Variants in SATL1 observed in about 807,000 individuals in gnomAD.
The protein encoded by SATL1 is spermidine/spermine N1-acetyl transferase like 1.
Under a neutral mutation model 51.8 loss-of-function variants are expected in SATL1, and 47 were observed. That is an observed-to-expected ratio of 0.91 (90% CI 0.72 to 1.16). The LOEUF (loss-of-function observed/expected upper bound fraction) is 1.16, where lower values mean the gene tolerates loss of function less well. Ranked by LOEUF, SATL1 falls within the 50% of genes most tolerant of loss-of-function variation. SATL1 has a pLI of 0.00. For synonymous variants in SATL1, 176 were observed against 182.4 expected, an observed-to-expected ratio of 0.97 and a Z score of 0.28; for missense variants, 520 against 526.4, an observed-to-expected ratio of 0.99 and a Z score of 0.12.
chrX:85,152,963 A>T (rs1233623459), intron 2 of SATL1, among the ~76,000 whole-genome samples: 1 of 110,392 alleles, frequency 9.1e-6, no homozygotes, highest in Non-Finnish European at 1.9e-5. Context: ...AACTTAAAGT[A>T]TAATAATAAA....
At chrX:85,106,573 A>G (rs1925047161) in intron 3 of SATL1, among the ~76,000 whole-genome samples, 1 of 112,299 alleles carries the variant, frequency 8.9e-6, no homozygotes, top group Non-Finnish European at 1.9e-5. Context: ...AACATGGTTT[A>G]CAGCTTTATA....
intron 2 of SATL1, among the ~76,000 whole-genome samples, chrX:85,198,137 G>C (rs189312712): frequency 9.0e-6 from 1 of 111,285 alleles, no homozygotes; most frequent in African/African-American, 3.3e-5. Context: ...CTCCGGTTTC[G>C]TCTGTGTTTT....
intron 2 of SATL1, among the ~76,000 whole-genome samples, chrX:85,184,916 T>A (rs1927280916): frequency 2.7e-5 from 3 of 111,840 alleles, no homozygotes; most frequent in Non-Finnish European, 5.6e-5. Context: ...TATTGAAAAG[T>A]TAGGTATTTA....
chrX:85,184,841 G>A (rs1927279177), intron 2 of SATL1, among the ~76,000 whole-genome samples: 1 of 112,016 alleles, frequency 8.9e-6, no homozygotes, highest in Non-Finnish European at 1.9e-5. Context: ...GCCTTATGTA[G>A]TTCATCTGGT....
intron 2 of SATL1, among the ~76,000 whole-genome samples, chrX:85,124,642 A>G (rs183194980): frequency 3.6e-5 from 4 of 111,822 alleles, no homozygotes; most frequent in African/African-American, 9.7e-5. Flanking sequence ...AGCAAAGATC[A>G]TCACTATGCC....
chrX:85,181,827 A>T (rs1411741668), intron 2 of SATL1, among the ~76,000 whole-genome samples: 1 of 111,863 alleles, frequency 8.9e-6, no homozygotes, highest in Non-Finnish European at 1.9e-5. Context: ...TGTAATACAA[A>T]CTAGTAGATT....
At chrX:85,126,057 C>T (rs1327248730) in intron 2 of SATL1, among the ~76,000 whole-genome samples, 1 of 110,584 alleles carries the variant, frequency 9.0e-6, no homozygotes, top group African/African-American at 3.3e-5. Context: ...CTTGAAGATC[C>T]CAGAATTGAC....
chrX:85,236,982 A>C (rs773068513), intron 1 of SATL1, among the ~76,000 whole-genome samples: 19 of 111,788 alleles, frequency 1.7e-4, no homozygotes, highest in East Asian at 8.4e-4. Context: ...ATACGAAATC[A>C]GTAGCATTTC....
intron 4 of SATL1, among the ~76,000 whole-genome samples, chrX:85,096,200 A>T (rs1924716783): frequency 9.0e-6 from 1 of 111,561 alleles, no homozygotes. Context: ...TAATATAGAT[A>T]TAAATTTTAA....
intron 2 of SATL1, among the ~76,000 whole-genome samples, chrX:85,195,074 C>A (rs895055970): frequency 1.8e-5 from 2 of 109,842 alleles, no homozygotes; most frequent in African/African-American, 6.6e-5. Context: ...TTTGGAGAAC[C>A]TGTGTGTCAT....
At chrX:85,192,310 C>G (rs1293787306) in intron 2 of SATL1, among the ~76,000 whole-genome samples, 2 of 111,500 alleles carry the variant, frequency 1.8e-5, no homozygotes, top group Non-Finnish European at 3.8e-5. Flanking sequence ...CAGTAACCTA[C>G]AGGATGAAAA....
At chrX:85,235,299 C>T (rs951270603) in intron 1 of SATL1, among the ~76,000 whole-genome samples, 17 of 110,447 alleles carry the variant, frequency 1.5e-4, no homozygotes, top group African/African-American at 5.2e-4. Context: ...ACAGATCATC[C>T]GTACAAAAAA....
At chrX:85,115,906 G>C (rs1443596095) in intron 2 of SATL1, among the ~76,000 whole-genome samples, 2 of 66,089 alleles carry the variant, frequency 3.0e-5, no homozygotes, top group African/African-American at 1.5e-4. Context: ...ACCCCTGAAA[G>C]CCACACATCA....
At chrX:85,188,839 G>A (rs1927373237) in intron 2 of SATL1, among the ~76,000 whole-genome samples, 1 of 111,902 alleles carries the variant, frequency 8.9e-6, no homozygotes. Flanking sequence ...ATTATTGAAT[G>A]TTGATAAAGA....
chrX:85,174,236 G>A (rs192059730), intron 2 of SATL1, among the ~76,000 whole-genome samples: 53 of 110,185 alleles, frequency 4.8e-4, no homozygotes, highest in African/African-American at 1.6e-3. Context: ...ATAAACATAC[G>A]TGTGCATGTT....
chrX:85,126,587 G>T (rs2147703826), intron 2 of SATL1, among the ~76,000 whole-genome samples: 1 of 111,157 alleles, frequency 9.0e-6, no homozygotes, highest in South Asian at 3.8e-4. Context: ...TAGCCCTACT[G>T]ATCTTCTTTT....
At chrX:85,228,063 G>C (rs574221809) in intron 1 of SATL1, among the ~76,000 whole-genome samples, 1 of 111,029 alleles carries the variant, frequency 9.0e-6, no homozygotes, top group Non-Finnish European at 1.9e-5. Context: ...TGGGTGATGA[G>C]AGCATGGACG....
intron 2 of SATL1, among the ~76,000 whole-genome samples, chrX:85,214,850 T>C (rs1438255800): frequency 8.9e-6 from 1 of 111,874 alleles, no homozygotes; most frequent in East Asian, 2.8e-4. Context: ...TTTGACTCCA[T>C]GTCTTGCATC....
At chrX:85,127,560 C>T (rs909062190) in intron 2 of SATL1, among the ~76,000 whole-genome samples, 2 of 111,656 alleles carry the variant, frequency 1.8e-5, no homozygotes. Flanking sequence ...TCTTAACTTG[C>T]TCCATATCCT....
Sources: allele counts gnomAD v4.1 joint callset (sites outside exome capture counted in the v4.1 genomes callset), GRCh38; gene constraint gnomAD v4.1.1; transcripts MANE v1.5; gene names NCBI Gene and HGNC (gene_info 2026-07-23, HGNC 2026-07-21).